Variants in PRSS23 observed in about 807,000 individuals in gnomAD.
PRSS23 encodes protease, serine 23.
PRSS23 carries 25 observed loss-of-function variants against 34.7 expected under a neutral mutation model. That is an observed-to-expected ratio of 0.72 (90% CI 0.53 to 1.01). PRSS23 has a LOEUF of 1.01. Ranked by LOEUF, PRSS23 falls within the 50% of genes least tolerant of loss-of-function variation. PRSS23 has a pLI of 0.00. For synonymous variants in PRSS23, 176 were observed against 186.6 expected (o/e 0.94, Z 0.46); for missense variants, 445 against 475.6 (o/e 0.94, Z 0.60).
intron 2 of PRSS23, among the ~76,000 whole-genome samples, chr11:86,828,012 A>C (rs12417990): frequency 6.6e-4 from 95 of 144,274 alleles, no homozygotes; most frequent in South Asian, 1.4e-3. Context: ...TATTAGGTCC[A>C]CTTGGTGCAG....
intron 2 of PRSS23, among the ~76,000 whole-genome samples, chr11:86,926,821 G>A (rs917295219): frequency 6.6e-6 from 1 of 152,094 alleles, no homozygotes; most frequent in Non-Finnish European, 1.5e-5. Flanking sequence ...GCTATTCAGG[G>A]TTGTCTATGA....
At chr11:86,837,038 C>A (rs1014151833) in intron 2 of PRSS23, 5 of 152,182 alleles carry the variant, frequency 3.3e-5, no homozygotes, top group Non-Finnish European at 5.9e-5. Context: ...GCTGTACACA[C>A]CTGCCTTAGA....
intron 2 of PRSS23, among the ~76,000 whole-genome samples, chr11:86,840,320 G>A (rs1370701717): frequency 6.6e-6 from 1 of 152,200 alleles, no homozygotes; most frequent in African/African-American, 2.4e-5. Flanking sequence ...TGCAATCCTA[G>A]TCTTTGTTAA....
intron 2 of PRSS23, among the ~76,000 whole-genome samples, chr11:86,867,368 G>C (rs929957793): frequency 6.6e-6 from 1 of 152,150 alleles, no homozygotes; most frequent in African/African-American, 2.4e-5. Flanking sequence ...ATTTCCATGG[G>C]AACTGTGGTT....
chr11:86,843,727 C>A (rs911990632), intron 2 of PRSS23, among the ~76,000 whole-genome samples: 1 of 152,136 alleles, frequency 6.6e-6, no homozygotes, highest in Admixed American at 6.5e-5. Flanking sequence ...TCTCATTTTA[C>A]ACCAGTTAGA....
intron 2 of PRSS23, among the ~76,000 whole-genome samples, chr11:86,844,754 T>C (rs1266024339): frequency 2.6e-5 from 4 of 152,232 alleles, no homozygotes; most frequent in Non-Finnish European, 5.9e-5. Context: ...TCTAGTTCTA[T>C]GGCATGTTGC....
At chr11:86,950,797 TC>T (rs1429919102) in intron 2 of PRSS23, 3 of 359,362 alleles carry the variant, frequency 8.3e-6, no homozygotes, top group African/African-American at 4.1e-5. Context: ...ACAGCTCAAA[TC>T]CCACCCTGCA....
intron 2 of PRSS23, among the ~76,000 whole-genome samples, chr11:86,913,668 TAA>T (rs1174036913): frequency 2.6e-5 from 4 of 151,662 alleles, no homozygotes; most frequent in African/African-American, 4.9e-5. Flanking sequence ...TCCAGACTCT[TAA>T]ATTCCAACTC....
At chr11:86,842,940 C>CA (rs1293845711) in intron 2 of PRSS23, among the ~76,000 whole-genome samples, 2 of 152,110 alleles carry the variant, frequency 1.3e-5, no homozygotes, top group African/African-American at 2.4e-5. Flanking sequence ...CATATGGAAC[C>CA]AAAAAAGAGC....
At chr11:86,823,578 C>T in exon 2 of PRSS23, 2 of 702,600 alleles carry the variant, frequency 2.8e-6, no homozygotes, top group Non-Finnish European at 5.2e-6. Flanking sequence ...ATGGAGTTCA[C>T]AGAAGAGTCG....
At chr11:86,884,622 A>G (rs989397835) in intron 2 of PRSS23, among the ~76,000 whole-genome samples, 2 of 152,194 alleles carry the variant, frequency 1.3e-5, no homozygotes, top group Non-Finnish European at 2.9e-5. Context: ...ATTTGATTAT[A>G]TGATTTTCTT....
rs1340946232 is a variant in PRSS23, at chr11:86,833,449, T to C, written c.206+9856T>C. 6 of 517,476 alleles carry C rather than the reference T, an allele frequency of 1.2e-5. No homozygotes were observed. The Admixed American group carries it at 1.4e-4, about 12-fold the overall frequency. The allele number at this position is 517,476 out of a possible 1,614,324, so 32.1% of individuals were successfully genotyped here. On this transcript the variant is annotated intron_variant, in intron 2 of 2. Coordinates refer to the PRSS23 transcript ENST00000533902. Reference sequence around the variant, plus strand: ...GAATTTTGAAGCATCTGTTAGATTCTGTGGGTCTGTATAGTTCGGACATGT... The same window carrying C: ...GAATTTTGAAGCATCTGTTAGATTCCGTGGGTCTGTATAGTTCGGACATGT...
chr11:86,887,846 G>A (rs868791910), intron 2 of PRSS23, among the ~76,000 whole-genome samples: 12 of 152,124 alleles, frequency 7.9e-5, no homozygotes, highest in South Asian at 6.2e-4. Flanking sequence ...GAGGTCAGGC[G>A]TTCGAGACCA....
chr11:86,821,227 T>G, intron 1 of PRSS23: 2 of 559,222 alleles, frequency 3.6e-6, no homozygotes, highest in Admixed American at 3.2e-5. Flanking sequence ...TCAAATTATA[T>G]TTCATCTAAT....
Position 86,857,337 on chromosome 11 carries a change from G to A in PRSS23, c.206+33744G>A, listed in dbSNP as rs144626008. On this transcript the variant is annotated intron_variant, in intron 2 of 2. Transcript: ENST00000533902. ...ACGATGGAATTCTTGGAATGGAGGA[G>A]ACAATTTTATAGTAAGACAAAAGGA... The A allele has an allele frequency of 1.4e-3, 438 of 310,698 alleles. 1 individual carries two copies. The highest frequency in any genetic ancestry group is 8.9e-3 in the African/African-American group (392 of 44,092). The allele number at this position is 310,698 out of a possible 1,614,324, so 19.2% of individuals were successfully genotyped here. A position where few individuals can be genotyped will look rare whatever the true frequency, so the allele number is the denominator to read the frequency against.
At chr11:86,926,189 C>T (rs988125379) in intron 2 of PRSS23, among the ~76,000 whole-genome samples, 3 of 152,042 alleles carry the variant, frequency 2.0e-5, no homozygotes, top group Non-Finnish European at 4.4e-5. Context: ...ATGGTGAAAC[C>T]CCGTCTCCAC....
At chr11:86,862,982 C>G (rs1279518056) in intron 2 of PRSS23, among the ~76,000 whole-genome samples, 1 of 151,952 alleles carries the variant, frequency 6.6e-6, no homozygotes, top group Non-Finnish European at 1.5e-5. Flanking sequence ...TGCATGTATA[C>G]TGTGTGATAT....
intron 2 of PRSS23, among the ~76,000 whole-genome samples, chr11:86,825,404 T>C (rs369508843): frequency 2.0e-5 from 3 of 152,200 alleles, no homozygotes; most frequent in African/African-American, 7.2e-5. Context: ...GAGTAGGTTG[T>C]GAAAATTTTC....
chr11:86,811,443 T>C (rs988089768), downstream of PRSS23, among the ~76,000 whole-genome samples: 1 of 152,134 alleles, frequency 6.6e-6, no homozygotes, highest in Non-Finnish European at 1.5e-5. Context: ...GTAATAAATT[T>C]GAAAATTATC....
Sources: allele counts gnomAD v4.1 joint callset (sites outside exome capture counted in the v4.1 genomes callset), GRCh38; gene constraint gnomAD v4.1.1; transcripts MANE v1.5; gene names NCBI Gene and HGNC (gene_info 2026-07-23, HGNC 2026-07-21).